The following DPYSL2 variants were observed in gnomAD, a reference collection of about 807,000 sequenced individuals.
DPYSL2 encodes dihydropyrimidinase like 2, also known as dihydropyrimidinase-related protein 2.
DPYSL2 carries 13 observed loss-of-function variants against 69.9 expected under a neutral mutation model. The observed-to-expected ratio is 0.19, with a 90% CI of 0.12 to 0.30. The LOEUF (loss-of-function observed/expected upper bound fraction) is 0.30, where lower values mean the gene tolerates loss of function less well. DPYSL2 is among the 10% of genes least tolerant of loss of function. The probability of loss-of-function intolerance (pLI) is 1.00; values close to 1 mark genes in which losing one functional copy is unlikely to be tolerated. For missense variants in DPYSL2, 587 were observed against 918.9 expected, an observed-to-expected ratio of 0.64 and a Z score of 4.67; for synonymous variants, 326 against 359.1, an observed-to-expected ratio of 0.91 and a Z score of 1.04.
At chr8:26,589,492 T>C (rs1034623869) in intron 3 of DPYSL2, among the ~76,000 whole-genome samples, 3 of 152,250 alleles carry the variant, frequency 2.0e-5, no homozygotes, top group African/African-American at 7.2e-5. Flanking sequence ...TGACGATACT[T>C]GATATCCTGC....
intron 1 of DPYSL2, among the ~76,000 whole-genome samples, chr8:26,574,394 A>C (rs1420402056): frequency 6.6e-6 from 1 of 152,134 alleles, no homozygotes; most frequent in Non-Finnish European, 1.5e-5. Context: ...GCACCTGGTT[A>C]AAATGCATTC....
intron 3 of DPYSL2, among the ~76,000 whole-genome samples, chr8:26,596,996 C>T (rs900630950): frequency 8.5e-5 from 13 of 152,336 alleles, no homozygotes; most frequent in Non-Finnish European, 1.5e-4. Flanking sequence ...AAGTTTTATC[C>T]TGCCCTTCCA....
At chr8:26,594,043 TGTAA>T (rs1484230320) in intron 3 of DPYSL2, among the ~76,000 whole-genome samples, 1 of 152,188 alleles carries the variant, frequency 6.6e-6, no homozygotes, top group Non-Finnish European at 1.5e-5. Context: ...AGGATGGGAT[TGTAA>T]GTAACTCAAC....
chr8:26,648,591 G>T lies in DPYSL2; in HGVS notation c.1596+791G>T, dbSNP rs1803219987. Among the ~76,000 whole-genome samples, 1 of 152,220 alleles carries T rather than the reference G, an allele frequency of 6.6e-6. No homozygotes were observed. Among genetic ancestry groups the T allele is most frequent in the South Asian group, 2.1e-4 (1 of 4,828 alleles). ...ATAGGCAGAAAAACTGAAGGAATAT[G>T]CCCAGAGGGAGAGCTTTGGAAAAGA... On this transcript the variant is annotated intron_variant, in intron 11 of 13. Transcript: ENST00000521913. This position sits in a 1 kb window ranked among gnomAD's most constrained non-coding sequence, Gnocchi z 4.3.
chr8:26,555,899 G>T (rs1381295458), intron 1 of DPYSL2, among the ~76,000 whole-genome samples: 1 of 137,864 alleles, frequency 7.3e-6, no homozygotes, highest in Non-Finnish European at 1.5e-5. Context: ...TGTAGTACTT[G>T]TATAGGTAGT....
intron 3 of DPYSL2, among the ~76,000 whole-genome samples, chr8:26,622,555 T>C (rs1249929454): frequency 6.6e-6 from 1 of 151,324 alleles, no homozygotes; most frequent in Non-Finnish European, 1.5e-5. Context: ...CTGGCTGGAG[T>C]GCAGCGGCAC....
Position 26,641,457 on chromosome 8 carries a change from C to G in DPYSL2, c.1127-1982C>G, listed in dbSNP as rs1244600440. 6.6e-6 allele frequency among the ~76,000 whole-genome samples: 1 copy of G among 152,202 alleles called. No individual in the cohort carries two copies. Among genetic ancestry groups the G allele is most frequent in the Non-Finnish European group, 1.5e-5 (1 of 68,046 alleles). On this transcript the variant is annotated intron_variant, in intron 8 of 13. Transcript: ENST00000521913. This position sits in a 1 kb window ranked among gnomAD's most constrained non-coding sequence, Gnocchi z 4.1. ...TGATCCTTGAACCAAAAGCGGGGAGCCAGAGAGATCCTTTGAGAACTGATG... is the reference window on the plus strand; with the variant it reads ...TGATCCTTGAACCAAAAGCGGGGAGGCAGAGAGATCCTTTGAGAACTGATG...
intron 1 of DPYSL2, among the ~76,000 whole-genome samples, chr8:26,555,911 A>T (rs1197352583): frequency 7.3e-6 from 1 of 136,918 alleles, no homozygotes; most frequent in African/African-American, 2.7e-5. Flanking sequence ...ATAGGTAGTT[A>T]TATATATTAG....
At position 26,652,548 on chromosome 8, in the gene DPYSL2, C is replaced by T. The variant is rs1803299714; in HGVS notation, c.1776+112C>T. 1 of 1,227,132 alleles carries T rather than the reference C, an allele frequency of 8.1e-7. No individual in the cohort carries two copies. Among genetic ancestry groups the T allele is most frequent in the South Asian group, 1.6e-5 (1 of 64,282 alleles). The allele number at this position is 1,227,132 out of a possible 1,614,324, so 76.0% of individuals were successfully genotyped here. ...ATATTAAGATGAATTTAGTGGATTCCAGGGATAAGAGGGAGCCTGAATTTT... is the reference window on the plus strand; with the variant it reads ...ATATTAAGATGAATTTAGTGGATTCTAGGGATAAGAGGGAGCCTGAATTTT... On this transcript the variant is annotated intron_variant, in intron 12 of 13. Transcript: ENST00000521913. This position sits in a 1 kb window ranked among gnomAD's most constrained non-coding sequence, Gnocchi z 6.3.
At chr8:26,633,502 C>T in intron 7 of DPYSL2, among the ~76,000 whole-genome samples, 1 of 152,196 alleles carries the variant, frequency 6.6e-6, no homozygotes, top group African/African-American at 2.4e-5. Flanking sequence ...AAGTCTCTCG[C>T]TGTCACCCAG....
Position 26,610,840 on chromosome 8 carries a change from T to C in DPYSL2, c.629-13303T>C, listed in dbSNP as rs2129851799. On this transcript the variant is annotated intron_variant, in intron 3 of 13. Coordinates refer to ENST00000521913, the MANE Select transcript of DPYSL2 (RefSeq NM_001197293.3). This position sits in a 1 kb window ranked among gnomAD's most constrained non-coding sequence, Gnocchi z 4.5. The stretch of plus-strand genomic sequence containing the variant: ...CACGATTTTGTAGGCCCTACTGTTG[T>C]TAGCTGTTCGTAGATACTATTTCAG... Among the ~76,000 whole-genome samples, 1 of 152,304 alleles carries C rather than the reference T, an allele frequency of 6.6e-6. No individual in the cohort carries two copies. Among genetic ancestry groups the C allele is most frequent in the South Asian group, 2.1e-4 (1 of 4,830 alleles).
At chr8:26,537,611 TACAC>T (rs56080102) in intron 1 of DPYSL2, among the ~76,000 whole-genome samples, 2 of 147,546 alleles carry the variant, frequency 1.4e-5, no homozygotes, top group African/African-American at 2.5e-5. Flanking sequence ...ATTCTCTCTC[TACAC>T]ACACACACAC....
rs1267194938 is a variant in DPYSL2 at position 26,586,489 on chromosome 8, C to G, written c.628+2506C>G. ...CTGTCCTGCATTCCTGGGTCTGCCT[C>G]TTCCCTCCACACGCTCGCCCCGTGC... On this transcript the variant is annotated intron_variant, in intron 3 of 13. Transcript: ENST00000521913. This position sits in a 1 kb window ranked among gnomAD's most constrained non-coding sequence, Gnocchi z 4.7. Among the ~76,000 whole-genome samples, 1 of 152,190 alleles carries G rather than the reference C, an allele frequency of 6.6e-6. No individual in the cohort carries two copies. The highest frequency in any genetic ancestry group is 1.5e-5 in the Non-Finnish European group (1 of 68,034).
In DPYSL2 at chr8:26,585,343, C is replaced by T. The variant is rs915755208; in HGVS notation, c.628+1360C>T. 3.9e-5 allele frequency among the ~76,000 whole-genome samples: 6 copies of T among 152,078 alleles called. No individual in the cohort carries two copies. The highest frequency in any genetic ancestry group is 1.4e-4 in the African/African-American group (6 of 41,412). On this transcript the variant is annotated intron_variant, in intron 3 of 13. Transcript: ENST00000521913. This position sits in a 1 kb window ranked among gnomAD's most constrained non-coding sequence, Gnocchi z 4.0. The stretch of plus-strand genomic sequence containing the variant: ...CTAGAGGAATGTTGCCCTGCCATCC[C>T]CTCCTAGTCTGAGTTGCCCCGCATT...
intron 1 of DPYSL2, among the ~76,000 whole-genome samples, chr8:26,546,907 G>C (rs1185393287): frequency 8.8e-6 from 1 of 113,394 alleles, no homozygotes; most frequent in Admixed American, 1.2e-4. Context: ...GGGCGACTGA[G>C]GGAGACTCAG....
chr8:26,588,196 C>A lies in DPYSL2; in HGVS notation c.628+4213C>A, dbSNP rs1007531804. ...TTGTACACTGAGCTCTACTCTCCCC[C>A]GCATGGCCGGAGAAACAGGCTGAGC... On this transcript the variant is annotated intron_variant, in intron 3 of 13. Coordinates refer to ENST00000521913, the MANE Select transcript of DPYSL2 (RefSeq NM_001197293.3). The surrounding 1 kb of genome is among the most constrained non-coding windows in gnomAD (Gnocchi z 5.4). 1.3e-5 allele frequency among the ~76,000 whole-genome samples: 2 copies of A among 152,224 alleles called. No individual in the cohort carries two copies. The highest frequency in any genetic ancestry group is 1.3e-4 in the Admixed American group (2 of 15,292).
At chr8:26,578,681 C>A in intron 1 of DPYSL2, 1 of 926,036 alleles carries the variant, frequency 1.1e-6, no homozygotes, top group Non-Finnish European at 1.3e-6. Context: ...CGAGGCTGGA[C>A]TCCTCCAGCA....
rs1801461053 is a variant in DPYSL2 at position 26,580,195 on chromosome 8, T to C, written c.355-1774T>C. Among the ~76,000 whole-genome samples, 1 of 152,078 alleles carries C rather than the reference T, an allele frequency of 6.6e-6. No individual in the cohort carries two copies. The highest frequency in any genetic ancestry group is 1.5e-5 in the Non-Finnish European group (1 of 68,010). Reference sequence around the variant, plus strand: ...GAGGCAGGAGGTGAAGGGGGAGGCCTCTCCTTGCCTTCCAGGTGATATTTA... The same window carrying C: ...GAGGCAGGAGGTGAAGGGGGAGGCCCCTCCTTGCCTTCCAGGTGATATTTA... On this transcript the variant is annotated intron_variant, in intron 1 of 13. Coordinates refer to ENST00000521913, the MANE Select transcript of DPYSL2 (RefSeq NM_001197293.3). The surrounding 1 kb of genome is among the most constrained non-coding windows in gnomAD (Gnocchi z 4.1).
rs1803250446 is a variant in DPYSL2, at chr8:26,650,028, A to G, written c.1596+2228A>G. Among the ~76,000 whole-genome samples the G allele has an allele frequency of 1.3e-5, 2 of 152,220 alleles. No homozygotes were observed. Among genetic ancestry groups the G allele is most frequent in the Admixed American group, 6.5e-5 (1 of 15,288 alleles). On this transcript the variant is annotated intron_variant, in intron 11 of 13. Coordinates refer to ENST00000521913, the MANE Select transcript of DPYSL2 (RefSeq NM_001197293.3). The surrounding 1 kb of genome is among the most constrained non-coding windows in gnomAD (Gnocchi z 5.3). ...ACGCATGCATTGTGTGAGATCTTGG[A>G]TGCTGCAGGGCTGGCAAGTGTTAGC...
Sources: allele counts gnomAD v4.1 joint callset (sites outside exome capture counted in the v4.1 genomes callset), GRCh38; gene constraint gnomAD v4.1.1; non-coding constraint Gnocchi (gnomAD v3.1); transcripts MANE v1.5; gene names NCBI Gene and HGNC (gene_info 2026-07-23, HGNC 2026-07-21).